The following SGCD variants were observed in gnomAD, a reference collection of about 807,000 sequenced individuals.
SGCD encodes the protein sarcoglycan delta, also known as delta-sarcoglycan.
Under a neutral mutation model 36.6 loss-of-function variants are expected in SGCD, and 18 were observed. The observed-to-expected ratio is 0.49, with a 90% CI of 0.34 to 0.73. The LOEUF is 0.73. Ranked by LOEUF, SGCD falls within the 30% of genes least tolerant of loss-of-function variation. The pLI is 0.01. For synonymous variants in SGCD, 133 were observed against 130.6 expected, an observed-to-expected ratio of 1.02 and a Z score of -0.12; for missense variants, 387 against 346.7, an observed-to-expected ratio of 1.12 and a Z score of -0.92.
At chr5:155,875,771 C>T (rs1048527603) in intron 1 of SGCD, among the ~76,000 whole-genome samples, 5 of 151,692 alleles carry the variant, frequency 3.3e-5, no homozygotes, top group African/African-American at 4.8e-5. Flanking sequence ...TTTTGAGGAG[C>T]GAGTGAAATC....
At chr5:155,811,807 A>G in the SGCD span, among the ~76,000 whole-genome samples, 186 of 152,212 alleles carry the variant, frequency 1.2e-3, no homozygotes, top group African/African-American at 3.9e-3. Flanking sequence ...TAGTGAGGGC[A>G]GGGGTAGGTT....
intron 4 of SGCD, among the ~76,000 whole-genome samples, chr5:156,566,750 TC>T (rs1474003494): frequency 1.3e-5 from 2 of 152,166 alleles, no homozygotes; most frequent in Non-Finnish European, 2.9e-5. Context: ...AGACTGTTTC[TC>T]CCTTTGATAA....
At chr5:156,697,170 G>A (rs779522721) in intron 7 of SGCD, among the ~76,000 whole-genome samples, 6 of 152,068 alleles carry the variant, frequency 3.9e-5, no homozygotes, top group Admixed American at 1.3e-4. Flanking sequence ...AGTGATTATC[G>A]TAATGTTTGT....
chr5:156,244,949 C>A (rs578155890), intron 3 of SGCD, among the ~76,000 whole-genome samples: 1 of 152,274 alleles, frequency 6.6e-6, no homozygotes, highest in East Asian at 1.9e-4. Context: ...GACATCATAT[C>A]ATTGGTAAAC....
intron 2 of SGCD, among the ~76,000 whole-genome samples, chr5:156,341,726 T>A (rs1412123693): frequency 6.6e-6 from 1 of 152,242 alleles, no homozygotes; most frequent in Admixed American, 6.5e-5. Context: ...TATTTATTTT[T>A]TGAGACGAAG....
At chr5:156,632,865 C>T (rs931099134) in intron 6 of SGCD, among the ~76,000 whole-genome samples, 2 of 152,134 alleles carry the variant, frequency 1.3e-5, no homozygotes, top group African/African-American at 4.8e-5. Flanking sequence ...CATATATGAT[C>T]ATGGAGACAT....
chr5:155,878,592 C>A (rs1200886212), intron 1 of SGCD, among the ~76,000 whole-genome samples: 1 of 152,030 alleles, frequency 6.6e-6, no homozygotes, highest in East Asian at 1.9e-4. Flanking sequence ...ATACTCAAGA[C>A]TTTTTGGAAT....
Position 155,983,076 on chromosome 5 carries a change from C to CT in SGCD, c.-282+112658dup, listed in dbSNP as rs368686211. Among the ~76,000 whole-genome samples, 293 of 152,196 alleles carry CT rather than the reference C, an allele frequency of 1.9e-3. 2 individuals are homozygous for CT. Among genetic ancestry groups the CT allele is most frequent in the African/African-American group, 6.8e-3 (283 of 41,532 alleles). ...AGATAATGCTTGTGTTTTTTAAATACTTTTTTCCATCTTAAAATAATTCAA... is the reference window on the plus strand; with the variant it reads ...AGATAATGCTTGTGTTTTTTAAATACTTTTTTTCCATCTTAAAATAATTCAA... On this transcript the variant is annotated intron_variant, in intron 1 of 9. Coordinates refer to the SGCD transcript ENST00000517913.
intron 1 of SGCD, among the ~76,000 whole-genome samples, chr5:155,965,830 C>A (rs111259394): frequency 0.023 from 3,505 of 152,174 alleles, 131 homozygotes; most frequent in African/African-American, 0.074. Context: ...GAGCCCCCGA[C>A]CCCTTCTTCC....
At chr5:155,825,100 T>G in the SGCD span, among the ~76,000 whole-genome samples, 2 of 152,144 alleles carry the variant, frequency 1.3e-5, no homozygotes, top group Non-Finnish European at 2.9e-5. Flanking sequence ...AAAGCTGATG[T>G]TAGAGTTTGA....
Position 156,190,285 on chromosome 5 carries a change from G to A in SGCD, c.-44+66266G>A, listed in dbSNP as rs573972713. On this transcript the variant is annotated intron_variant, in intron 3 of 9. Coordinates refer to the SGCD transcript ENST00000517913. ...CTAAAGTGTGCTTGGGACCTAGCTG[G>A]TGCTTACTAAATATTTGCTAAATAA... 2.0e-5 allele frequency among the ~76,000 whole-genome samples: 3 copies of A among 152,218 alleles called. No homozygotes were observed. The South Asian group carries it at 6.2e-4, about 32-fold the overall frequency.
chr5:156,479,577 G>C (rs1402924715), intron 3 of SGCD, among the ~76,000 whole-genome samples: 1 of 152,112 alleles, frequency 6.6e-6, no homozygotes, highest in Non-Finnish European at 1.5e-5. Context: ...AAGACCTAGG[G>C]AGTATTCACC....
intron 3 of SGCD, among the ~76,000 whole-genome samples, chr5:156,278,110 A>G (rs763317966): frequency 7.9e-5 from 12 of 152,180 alleles, no homozygotes; most frequent in Non-Finnish European, 1.6e-4. Context: ...TCATGTGGAA[A>G]TAAGAACATT....
chr5:156,135,432 C>T (rs1762433310), intron 3 of SGCD, among the ~76,000 whole-genome samples: 2 of 152,208 alleles, frequency 1.3e-5, no homozygotes, highest in African/African-American at 4.8e-5. Flanking sequence ...TACTACCCCT[C>T]TTCCCTGTAG....
intron 3 of SGCD, among the ~76,000 whole-genome samples, chr5:156,237,554 G>A (rs1765198071): frequency 6.6e-6 from 1 of 152,122 alleles, no homozygotes; most frequent in South Asian, 2.1e-4. Context: ...GAAACCAGAA[G>A]GCAGAGGTTG....
the SGCD span, among the ~76,000 whole-genome samples, chr5:155,850,953 G>A: frequency 4.6e-5 from 7 of 152,230 alleles, no homozygotes; most frequent in Middle Eastern, 3.4e-3. Context: ...GAAATCAATG[G>A]GGTTGGGGGA....
At chr5:155,755,359 T>A in the SGCD span, among the ~76,000 whole-genome samples, 2 of 152,218 alleles carry the variant, frequency 1.3e-5, no homozygotes, top group African/African-American at 4.8e-5. Context: ...GTTTTATTTC[T>A]GTTTGTTTGT....
chr5:156,344,520 G>C lies in SGCD; in HGVS notation c.35G>C (p.Ser12Thr). 1 of 1,608,676 alleles carries C rather than the reference G, an allele frequency of 6.2e-7. No homozygotes were observed. Among genetic ancestry groups the C allele is most frequent in the Non-Finnish European group, 8.5e-7 (1 of 1,177,606 alleles). The change falls in exon 3 of 9, where the codon AGC becomes ACC. Residue 12 changes from serine (S) to threonine (T), a missense_variant. Transcript: ENST00000337851. Reference protein sequence around the residue: ...MPQEQYTHHRSTMPGSVGPQV... With the variant: ...MPQEQYTHHRTTMPGSVGPQV... Reference sequence around the variant, plus strand: ...CAGGAGCAGTACACTCACCACCGGAGCACCATGCCTGGCTCTGTGGGGCCA... The same window carrying C: ...CAGGAGCAGTACACTCACCACCGGACCACCATGCCTGGCTCTGTGGGGCCA...
At chr5:156,361,314 T>G (rs1004275331) in intron 3 of SGCD, among the ~76,000 whole-genome samples, 3 of 152,334 alleles carry the variant, frequency 2.0e-5, no homozygotes, top group Non-Finnish European at 4.4e-5. Context: ...TACATGTGAT[T>G]TTAGGAGAGA....
Sources: allele counts gnomAD v4.1 joint callset (sites outside exome capture counted in the v4.1 genomes callset), GRCh38; gene constraint gnomAD v4.1.1; transcripts MANE v1.5; gene names NCBI Gene and HGNC (gene_info 2026-07-23, HGNC 2026-07-21).